The following TYR variants were observed in gnomAD, a reference collection of about 807,000 sequenced individuals.
The protein encoded by TYR is tyrosinase.
Under a neutral mutation model 51.5 loss-of-function variants are expected in TYR, and 58 were observed. That is an observed-to-expected ratio of 1.13 (90% CI 0.91 to 1.40). The LOEUF is 1.40. TYR is among the 40% of genes most tolerant of loss of function. The pLI, the probability that TYR is intolerant of heterozygous loss-of-function variation, is 0.00. For synonymous variants in TYR, 263 were observed against 235.2 expected (o/e 1.12, Z -1.08); for missense variants, 732 against 647.4 (o/e 1.13, Z -1.42).
chr11:89,196,794 G>A (rs187764862), intron 2 of TYR, among the ~76,000 whole-genome samples: 59 of 152,198 alleles, frequency 3.9e-4, no homozygotes, highest in African/African-American at 1.3e-3. Flanking sequence ...CCCATCAAGG[G>A]AAAACCTACC....
chr11:89,207,179 C>G (rs1451772534), intron 2 of TYR, among the ~76,000 whole-genome samples: 1 of 151,934 alleles, frequency 6.6e-6, no homozygotes, highest in Non-Finnish European at 1.5e-5. Context: ...ATGAATATAA[C>G]AAGCAGCTGG....
intron 2 of TYR, among the ~76,000 whole-genome samples, chr11:89,207,995 G>A (rs1314519048): frequency 6.6e-6 from 1 of 152,174 alleles, no homozygotes; most frequent in Non-Finnish European, 1.5e-5. Context: ...AAGGCCAGGG[G>A]CGGTGGCTCA....
rs1172024364 is a variant in TYR, at chr11:89,191,409, A to G, written c.1027A>G (p.Thr343Ala). Residue 343 changes from threonine (T) to alanine (A), a missense_variant, in exon 2 of 5, where the codon ACA becomes GCA. Transcript: ENST00000263321. The stretch of plus-strand genomic sequence containing the variant: ...AGCTGCCAATTTCAGCTTTAGAAAT[A>G]CACTGGAAGGTAATCTCTTTCTTTT... ...DKAANFSFRN[T>A]LEGFASPLTG... is the part of the protein sequence containing the mutation. The G allele has an allele frequency of 6.2e-7, 1 of 1,613,452 alleles. No individual in the cohort carries two copies. Among genetic ancestry groups the G allele is most frequent in the Non-Finnish European group, 8.5e-7 (1 of 1,179,476 alleles).
chr11:89,247,266 T>G (rs1944278876), intron 3 of TYR, among the ~76,000 whole-genome samples: 1 of 152,210 alleles, frequency 6.6e-6, no homozygotes, highest in South Asian at 2.1e-4. Flanking sequence ...ATCGATCATT[T>G]TTAGCACCTA....
chr11:89,243,483 T>C (rs1944226198), intron 3 of TYR, among the ~76,000 whole-genome samples: 1 of 152,202 alleles, frequency 6.6e-6, no homozygotes, highest in Non-Finnish European at 1.5e-5. Context: ...ATTTGGGGGC[T>C]AACCTTTTAT....
intron 3 of TYR, among the ~76,000 whole-genome samples, chr11:89,274,507 C>A (rs1302446021): frequency 1.3e-5 from 2 of 151,852 alleles, no homozygotes; most frequent in Non-Finnish European, 2.9e-5. Context: ...CCACAACTAA[C>A]CTCACTGCAT....
intron 3 of TYR, among the ~76,000 whole-genome samples, chr11:89,240,685 C>T (rs1183690874): frequency 6.6e-6 from 1 of 152,008 alleles, no homozygotes; most frequent in Non-Finnish European, 1.5e-5. Flanking sequence ...GAGTGAATTG[C>T]TCTAAATCTC....
intron 2 of TYR, among the ~76,000 whole-genome samples, chr11:89,217,731 C>T (rs2135274352): frequency 6.6e-6 from 1 of 152,222 alleles, no homozygotes; most frequent in African/African-American, 2.4e-5. Context: ...GGCTGGCCTG[C>T]CTCATTTTCA....
intron 2 of TYR, among the ~76,000 whole-genome samples, chr11:89,202,916 G>A (rs1943618682): frequency 6.6e-6 from 1 of 152,080 alleles, no homozygotes; most frequent in Non-Finnish European, 1.5e-5. Context: ...CTGTTTCTAT[G>A]AAAAGATTTT....
chr11:89,189,229 C>G (rs1041486217), intron 1 of TYR, among the ~76,000 whole-genome samples: 1 of 152,008 alleles, frequency 6.6e-6, no homozygotes, highest in Non-Finnish European at 1.5e-5. Flanking sequence ...CTCTCTGAGT[C>G]TCATTTTCCT....
chr11:89,277,871 C>G (rs1944674277), intron 3 of TYR, among the ~76,000 whole-genome samples: 1 of 151,696 alleles, frequency 6.6e-6, no homozygotes. Context: ...AGTCCCTTCT[C>G]TGCAACGAAA....
intron 3 of TYR, among the ~76,000 whole-genome samples, chr11:89,274,201 T>C (rs893228764): frequency 2.6e-5 from 4 of 152,014 alleles, no homozygotes; most frequent in Non-Finnish European, 4.4e-5. Context: ...AACCTTTAGA[T>C]TGTATGATTC....
chr11:89,193,579 T>A (rs1943476484), intron 2 of TYR, among the ~76,000 whole-genome samples: 1 of 152,118 alleles, frequency 6.6e-6, no homozygotes, highest in African/African-American at 2.4e-5. Context: ...GGTAAGTATC[T>A]GATAACCGAG....
chr11:89,191,319 C>A lies in TYR; in HGVS notation c.937C>A (p.Pro313Thr). 1 of 1,613,726 alleles carries A rather than the reference C, an allele frequency of 6.2e-7. No individual in the cohort carries two copies. The highest frequency in any genetic ancestry group is 8.5e-7 in the Non-Finnish European group (1 of 1,179,794). Residue 313 changes from proline (P) to threonine (T), a missense_variant, in exon 2 of 5, where the codon CCC becomes ACC. Pro to Thr is a conservative substitution (Grantham distance 38, BLOSUM62 -1). Transcript: ENST00000263321. ...NHDKSRTPRL[P>T]SSADVEFCLS... ...TGACAAATCCAGAACCCCAAGGCTC[C>A]CCTCTTCAGCTGATGTAGAATTTTG... is the stretch of plus-strand genomic sequence containing the variant.
intron 4 of TYR, 128 bp from the exon 5 acceptor site, chr11:89,295,015 G>T (rs1325760910): frequency 6.8e-7 from 1 of 1,473,014 alleles, no homozygotes; most frequent in Non-Finnish European, 9.2e-7. Flanking sequence ...AGCTCTTACA[G>T]TTAATAAGTA....
chr11:89,222,264 A>G (rs1250466334), intron 2 of TYR, among the ~76,000 whole-genome samples: 2 of 152,214 alleles, frequency 1.3e-5, no homozygotes, highest in East Asian at 3.8e-4. Context: ...AACCCTGGTC[A>G]CATGTTAGAA....
Position 89,236,542 on chromosome 11 carries a change from TG to T in TYR, c.1184+8573del, listed in dbSNP as rs140876072. Among the ~76,000 whole-genome samples the T allele has an allele frequency of 6.9e-3, 1,056 of 152,298 alleles. 11 individuals are homozygous for T. Among genetic ancestry groups the T allele is most frequent in the African/African-American group, 0.025 (1,024 of 41,576 alleles). On this transcript the variant is annotated intron_variant, in intron 3 of 4. Coordinates refer to ENST00000263321, the MANE Select transcript of TYR (RefSeq NM_000372.5). ...TTCTGAGCCTTTGTAACAAAGCTGA[TG>T]AAGATTCTGATGATTCAATTATCAT...
At chr11:89,204,503 C>T (rs1226008121) in intron 2 of TYR, among the ~76,000 whole-genome samples, 1 of 151,874 alleles carries the variant, frequency 6.6e-6, no homozygotes, top group Non-Finnish European at 1.5e-5. Flanking sequence ...GCTGGGATTC[C>T]CCTGCCTCAG....
chr11:89,197,505 A>G (rs767168039), intron 2 of TYR, among the ~76,000 whole-genome samples: 12 of 152,136 alleles, frequency 7.9e-5, no homozygotes, highest in Non-Finnish European at 1.3e-4. Flanking sequence ...TGTCTGAAAA[A>G]TTTGCCTTGA....
Sources: allele counts gnomAD v4.1 joint callset (sites outside exome capture counted in the v4.1 genomes callset), GRCh38; gene constraint gnomAD v4.1.1; transcripts MANE v1.5; gene names NCBI Gene and HGNC (gene_info 2026-07-23, HGNC 2026-07-21).